ERI3: variants seen among roughly 807,000 people sequenced by gnomAD.
ERI3 encodes the protein ERI1 exoribonuclease family member 3.
Under a neutral mutation model 44.4 loss-of-function variants are expected in ERI3, and 18 were observed. That is an observed-to-expected ratio of 0.41 (90% CI 0.28 to 0.60). The LOEUF (loss-of-function observed/expected upper bound fraction) is 0.60, where lower values mean the gene tolerates loss of function less well. ERI3 is among the 20% of genes least tolerant of loss of function. The pLI, the probability that ERI3 is intolerant of heterozygous loss-of-function variation, is 0.36. For missense variants in ERI3, 294 were observed against 435.5 expected (o/e 0.68, Z 2.89); for synonymous variants, 183 against 164.8 (o/e 1.11, Z -0.84).
intron 5 of ERI3, among the ~76,000 whole-genome samples, chr1:44,310,963 G>GCGCGCACACACACA (rs1373873768): frequency 8.1e-6 from 1 of 123,202 alleles, no homozygotes; most frequent in Non-Finnish European, 1.7e-5. Flanking sequence ...GCGCGCGCGC[G>GCGCGCACACACACA]CACACACACA....
At chr1:44,268,204 C>T (rs1374391603) in intron 7 of ERI3, among the ~76,000 whole-genome samples, 1 of 152,150 alleles carries the variant, frequency 6.6e-6, no homozygotes, top group East Asian at 1.9e-4. Flanking sequence ...CCCTACCAGA[C>T]CAGGAGCTCT....
At chr1:44,290,772 A>C (rs1645490223) in intron 6 of ERI3, among the ~76,000 whole-genome samples, 1 of 152,084 alleles carries the variant, frequency 6.6e-6, no homozygotes, top group South Asian at 2.1e-4. Context: ...CAAGTTGAGG[A>C]GAGTAGCTAG....
chr1:44,229,847 TC>T (rs1406417692), intron 8 of ERI3, among the ~76,000 whole-genome samples: 1 of 152,058 alleles, frequency 6.6e-6, no homozygotes, highest in Admixed American at 6.5e-5. Flanking sequence ...ACCTCTCCCT[TC>T]CTCAGGCTCT....
At chr1:44,240,491 G>A (rs1046821246) in intron 8 of ERI3, among the ~76,000 whole-genome samples, 1 of 152,196 alleles carries the variant, frequency 6.6e-6, no homozygotes, top group Non-Finnish European at 1.5e-5. Flanking sequence ...TGGTGGTGAA[G>A]AACTCCAACC....
chr1:44,278,832 A>C (rs1269130201), intron 7 of ERI3, among the ~76,000 whole-genome samples: 1 of 152,178 alleles, frequency 6.6e-6, no homozygotes, highest in Non-Finnish European at 1.5e-5. Flanking sequence ...CAAACTCCTG[A>C]CCTCAGGTGA....
chr1:44,267,863 G>A (rs985164047), intron 7 of ERI3, among the ~76,000 whole-genome samples: 2 of 152,208 alleles, frequency 1.3e-5, no homozygotes, highest in South Asian at 4.1e-4. Flanking sequence ...ATCTCCCCAG[G>A]AGGGCCACCC....
At chr1:44,288,661 G>A (rs922827093) in intron 6 of ERI3, among the ~76,000 whole-genome samples, 1 of 152,168 alleles carries the variant, frequency 6.6e-6, no homozygotes, top group African/African-American at 2.4e-5. Flanking sequence ...TAAAGCTTCT[G>A]ACTGCACAGG....
At chr1:44,333,975 C>T (rs535409450) in intron 3 of ERI3, among the ~76,000 whole-genome samples, 7 of 152,318 alleles carry the variant, frequency 4.6e-5, no homozygotes, top group African/African-American at 1.7e-4. Flanking sequence ...ACACTAGAAA[C>T]CTCAACCCCA....
rs114362447 is a variant in ERI3, at chr1:44,223,696, T to C, written c.932-2056A>G. Among the ~76,000 whole-genome samples the C allele has an allele frequency of 3.9e-3, 592 of 152,228 alleles. 5 individuals carry two copies. The highest frequency in any genetic ancestry group is 0.014 in the African/African-American group (566 of 41,540). On this transcript the variant is annotated intron_variant, in intron 8 of 8. Coordinates refer to ENST00000372257, the MANE Select transcript of ERI3 (RefSeq NM_024066.3). ...TTGCTTCCCCTGGCCCAAGTGAATG[T>C]CCCAGCCCCAACCCCCAGGCCACCA... is the stretch of plus-strand genomic sequence containing the variant.
chr1:44,353,060 C>A, intron 1 of ERI3, 135 bp from the exon 2 acceptor site: 2 of 1,493,186 alleles, frequency 1.3e-6, no homozygotes, highest in East Asian at 2.3e-5. Context: ...ACAGTGCCCC[C>A]ACAGAGCTTT....
At chr1:44,247,878 TG>T in intron 8 of ERI3, 60 bp downstream of exon 8, 2 of 1,371,144 alleles carry the variant, frequency 1.5e-6, no homozygotes, top group Non-Finnish European at 2.0e-6. Flanking sequence ...GCCTGGGGAC[TG>T]GGGCACGCGG....
chr1:44,325,947 C>T (rs763320185), intron 3 of ERI3, among the ~76,000 whole-genome samples: 1 of 152,192 alleles, frequency 6.6e-6, no homozygotes, highest in Admixed American at 6.5e-5. Context: ...CTGCACCCAG[C>T]CCAGAGGGTT....
At chr1:44,259,920 T>TAGATAGATAGATAGATAGATAGAC (rs778936296) in intron 7 of ERI3, among the ~76,000 whole-genome samples, 46 of 129,634 alleles carry the variant, frequency 3.5e-4, no homozygotes, top group East Asian at 6.3e-4. Flanking sequence ...GATAGATAGA[T>TAGATAGATAGATAGATAGATAGAC]AGACAGACAG....
chr1:44,247,864 A>T, intron 8 of ERI3, 75 bp downstream of exon 8: 1 of 1,187,444 alleles, frequency 8.4e-7, no homozygotes, highest in Non-Finnish European at 1.2e-6. Context: ...GAAACTCTCT[A>T]TGTGCCTGGG....
At chr1:44,303,913 G>T (rs764979568) in intron 6 of ERI3, among the ~76,000 whole-genome samples, 1 of 152,202 alleles carries the variant, frequency 6.6e-6, no homozygotes, top group South Asian at 2.1e-4. Context: ...TGATCATCTT[G>T]ACTAGGGCAG....
chr1:44,221,467 C>G lies in ERI3; in HGVS notation c.*91G>C. ...GGACACTCTGGACACAGAGCTATGC[C>G]ACTCTCCCTCTTCCCCTCTGGTGAG... On this transcript the variant is annotated 3_prime_UTR_variant, in exon 9 of 9. Transcript: ENST00000372257. The surrounding 1 kb of genome is among the most constrained non-coding windows in gnomAD (Gnocchi z 5.9). 9.4e-7 allele frequency: 1 copy of G among 1,061,062 alleles called. No homozygotes were observed. Among genetic ancestry groups the G allele is most frequent in the Non-Finnish European group, 1.4e-6 (1 of 690,938 alleles). 65.7% of individuals were successfully genotyped at this position (1,061,062 alleles called of 1,614,324 possible). A position where few individuals can be genotyped will look rare whatever the true frequency, so the allele number is the denominator to read the frequency against.
At chr1:44,320,537 G>A (rs1646178353) in intron 3 of ERI3, among the ~76,000 whole-genome samples, 1 of 152,218 alleles carries the variant, frequency 6.6e-6, no homozygotes, top group South Asian at 2.1e-4. Flanking sequence ...CATCGCTCCT[G>A]GGAAGGGAGG....
At chr1:44,248,291 C>G (rs760534150) in intron 7 of ERI3, among the ~76,000 whole-genome samples, 1 of 152,176 alleles carries the variant, frequency 6.6e-6, no homozygotes, top group Non-Finnish European at 1.5e-5. Flanking sequence ...CTCACCAGGA[C>G]TCCTCTCTAA....
chr1:44,339,737 G>T (rs1646612669), intron 2 of ERI3, among the ~76,000 whole-genome samples: 2 of 152,158 alleles, frequency 1.3e-5, no homozygotes, highest in African/African-American at 4.8e-5. Context: ...AATGAGTCCT[G>T]GAAGCTAAGT....
Sources: gnomAD v4.1 joint callset for allele counts (sites outside exome capture counted in the v4.1 genomes callset) on GRCh38, gnomAD v4.1.1 for gene constraint, Gnocchi (gnomAD v3.1) non-coding constraint, MANE v1.5 for transcripts, NCBI Gene and HGNC (gene_info 2026-07-23, HGNC 2026-07-21) for gene names.